ANO4: variants seen among roughly 807,000 people sequenced by gnomAD.
The protein encoded by ANO4 is anoctamin 4, also known as anoctamin-4.
ANO4 carries 69 observed loss-of-function variants against 141.9 expected under a neutral mutation model. The observed-to-expected ratio is 0.49, with a 90% CI of 0.40 to 0.59. The LOEUF (loss-of-function observed/expected upper bound fraction) is 0.59. ANO4 is among the 20% of genes least tolerant of loss of function. The pLI, the probability that ANO4 is intolerant of heterozygous loss-of-function variation, is 0.00. For synonymous variants in ANO4, 350 were observed against 394.3 expected (o/e 0.89, Z 1.33); for missense variants, 894 against 1,162.2 (o/e 0.77, Z 3.36).
At chr12:100,754,939 A>G (rs1365487060) in intron 3 of ANO4, among the ~76,000 whole-genome samples, 1 of 152,186 alleles carries the variant, frequency 6.6e-6, no homozygotes, top group Non-Finnish European at 1.5e-5. Flanking sequence ...TAATGTGTAC[A>G]GGGTTTCCTT....
intron 1 of ANO4, among the ~76,000 whole-genome samples, chr12:100,883,423 A>G (rs958050788): frequency 6.6e-6 from 1 of 152,234 alleles, no homozygotes; most frequent in Non-Finnish European, 1.5e-5. Context: ...TTTCAATAAA[A>G]CTTTATTTAC....
intron 1 of ANO4, among the ~76,000 whole-genome samples, chr12:100,728,064 A>G (rs1362382689): frequency 6.7e-6 from 1 of 148,960 alleles, no homozygotes; most frequent in Non-Finnish European, 1.5e-5. Flanking sequence ...CTTTTTTTAA[A>G]CCCTCCTATA....
chr12:101,041,969 C>T (rs1001514934), intron 11 of ANO4, among the ~76,000 whole-genome samples: 4 of 152,098 alleles, frequency 2.6e-5, no homozygotes, highest in East Asian at 1.9e-4. Flanking sequence ...CCATATCTCT[C>T]GAATCGGGCC....
chr12:100,978,810 C>A (rs774569167), intron 7 of ANO4, among the ~76,000 whole-genome samples: 2 of 152,078 alleles, frequency 1.3e-5, no homozygotes, highest in Non-Finnish European at 2.9e-5. Flanking sequence ...GACTGGAAAT[C>A]GAGAGGAGAT....
chr12:100,829,115 A>G (rs2036509131), intron 1 of ANO4, among the ~76,000 whole-genome samples: 1 of 152,038 alleles, frequency 6.6e-6, no homozygotes, highest in African/African-American at 2.4e-5. Context: ...AAAAACATAT[A>G]TCTTGGTTTC....
intron 14 of ANO4, among the ~76,000 whole-genome samples, chr12:101,056,063 A>G (rs2048105560): frequency 1.3e-5 from 2 of 152,160 alleles, no homozygotes; most frequent in East Asian, 1.9e-4. Flanking sequence ...TTATTATGGC[A>G]TAATAACTGT....
chr12:100,719,767 C>T (rs1190123582), intron 1 of ANO4, among the ~76,000 whole-genome samples: 1 of 152,142 alleles, frequency 6.6e-6, no homozygotes, highest in Non-Finnish European at 1.5e-5. Context: ...ATTAGCTTCC[C>T]TTCTAATATG....
At chr12:100,896,364 A>G (rs1443832038) in intron 1 of ANO4, among the ~76,000 whole-genome samples, 1 of 152,208 alleles carries the variant, frequency 6.6e-6, no homozygotes, top group South Asian at 2.1e-4. Flanking sequence ...GATTGGAGTG[A>G]TGTTGTCACA....
At chr12:101,081,047 G>GTGTGTA (rs1277495720) in intron 15 of ANO4, among the ~76,000 whole-genome samples, 5 of 150,146 alleles carry the variant, frequency 3.3e-5, no homozygotes, top group Admixed American at 1.3e-4. Context: ...GTGTGTGTGT[G>GTGTGTA]TATACATATA....
rs755603807 is a variant in ANO4, at chr12:100,795,039, C to T, written c.-141+12C>T. ...TTTCTATTTTTATGGTAAGTGCTTA[C>T]GTTGAATGAGCTGCTCTGTTGCTGC... On this transcript the variant is annotated intron_variant, in intron 1 of 27. Transcript: ENST00000392977. 1.3e-5 allele frequency: 2 copies of T among 152,604 alleles called. No homozygotes were observed. The highest frequency in any genetic ancestry group is 4.8e-5 in the African/African-American group (2 of 41,416). The allele number at this position is 152,604 out of a possible 1,614,324, so 9.5% of individuals were successfully genotyped here. A position where few individuals can be genotyped will look rare whatever the true frequency, so the allele number is the denominator to read the frequency against.
intron 1 of ANO4, among the ~76,000 whole-genome samples, chr12:100,827,032 T>G (rs1249628861): frequency 6.6e-6 from 1 of 152,082 alleles, no homozygotes; most frequent in African/African-American, 2.4e-5. Context: ...AGGCCAACTT[T>G]TAAAGCCTGT....
intron 1 of ANO4, among the ~76,000 whole-genome samples, chr12:100,896,198 CT>C (rs2040344780): frequency 6.6e-6 from 1 of 152,122 alleles, no homozygotes; most frequent in Non-Finnish European, 1.5e-5. Context: ...TGAAAAGAGT[CT>C]TTGCATATGT....
intron 2 of ANO4, among the ~76,000 whole-genome samples, chr12:100,918,687 A>G (rs891414945): frequency 2.6e-5 from 4 of 152,234 alleles, no homozygotes; most frequent in Non-Finnish European, 5.9e-5. Flanking sequence ...TGCCAGTTGT[A>G]TAAAAATATA....
chr12:100,793,571 G>A (rs1291772893), upstream of ANO4, among the ~76,000 whole-genome samples: 1 of 146,528 alleles, frequency 6.8e-6, no homozygotes, highest in African/African-American at 2.5e-5. Context: ...AAGTCACCTG[G>A]AAAAAAAAAA....
At chr12:101,044,148 T>C (rs2047529562) in intron 13 of ANO4, among the ~76,000 whole-genome samples, 1 of 152,152 alleles carries the variant, frequency 6.6e-6, no homozygotes, top group Non-Finnish European at 1.5e-5. Flanking sequence ...GCCACTTACC[T>C]CTTTAGCCCT....
At chr12:101,102,377 C>G (rs2050225382) in intron 22 of ANO4, among the ~76,000 whole-genome samples, 1 of 152,266 alleles carries the variant, frequency 6.6e-6, no homozygotes, top group Middle Eastern at 3.4e-3. Flanking sequence ...CACAAACTTA[C>G]TAAAACTTGC....
chr12:100,981,389 T>C (rs1461570593), intron 7 of ANO4, among the ~76,000 whole-genome samples: 1 of 150,794 alleles, frequency 6.6e-6, no homozygotes, highest in African/African-American at 2.4e-5. Flanking sequence ...CAAGAGGGTG[T>C]CATTTACTGT....
intron 3 of ANO4, among the ~76,000 whole-genome samples, chr12:100,774,926 T>G (rs1001459593): frequency 2.6e-5 from 4 of 152,238 alleles, no homozygotes; most frequent in Admixed American, 6.5e-5. Context: ...ATAAAGTTCA[T>G]TTTTTAAGAA....
rs532550358 is a variant in ANO4 at position 101,100,740 on chromosome 12, A to G, written c.2149+1020A>G. 6.6e-5 allele frequency among the ~76,000 whole-genome samples: 10 copies of G among 152,276 alleles called. No individual in the cohort carries two copies. In the South Asian group the frequency reaches 2.1e-3, roughly 32 times the overall value. On this transcript the variant is annotated intron_variant, in intron 22 of 27. Transcript: ENST00000392977. ...CAAATCTCAGAAGTATCACAAGCAG[A>G]CTGATGAGTTCTAACTGCTCACTTC...
Sources: gnomAD v4.1 joint callset for allele counts (sites outside exome capture counted in the v4.1 genomes callset) on GRCh38, gnomAD v4.1.1 for gene constraint, MANE v1.5 for transcripts, NCBI Gene and HGNC (gene_info 2026-07-23, HGNC 2026-07-21) for gene names.